The following BIRC7 variants were observed in gnomAD, a reference collection of about 807,000 sequenced individuals.
The protein encoded by BIRC7 is baculoviral IAP repeat containing 7, also known as baculoviral IAP repeat-containing protein 7.
BIRC7 carries 26 observed loss-of-function variants against 33.2 expected under a neutral mutation model. The observed-to-expected ratio is 0.78, with a 90% CI of 0.57 to 1.09. The LOEUF is 1.09. BIRC7 is among the 50% of genes least tolerant of loss of function. The pLI is 0.00. For synonymous variants in BIRC7, 176 were observed against 171.0 expected, an observed-to-expected ratio of 1.03 and a Z score of -0.23; for missense variants, 409 against 401.2, an observed-to-expected ratio of 1.02 and a Z score of -0.17.
rs1211325377 is a variant in BIRC7 at position 63,237,846 on chromosome 20, C to A, written c.350-57C>A. 7 of 1,473,242 alleles carry A rather than the reference C, an allele frequency of 4.8e-6. No individual in the cohort carries two copies. The African/African-American group carries it at 1.0e-4, about 21-fold the overall frequency. The allele number at this position is 1,473,242 out of a possible 1,614,324, so 91.3% of individuals were successfully genotyped here. ...CTCTCATAGCCTTGGAAGGACACAC[C>A]GGGGGCCCGGGGACTGGGTGGGACT... On this transcript the variant is annotated intron_variant, in intron 1 of 6. Transcript: ENST00000217169.
Position 63,235,947 on chromosome 20 carries a change from G to A in BIRC7, c.-150G>A. The A allele has an allele frequency of 2.0e-6, 2 of 986,720 alleles. No individual in the cohort carries two copies. The highest frequency in any genetic ancestry group is 2.9e-6 in the Non-Finnish European group (2 of 699,218). 61.1% of individuals were successfully genotyped at this position (986,720 alleles called of 1,614,324 possible). On this transcript the variant is annotated 5_prime_UTR_variant, in exon 1 of 7. In the 5' UTR this introduces an upstream ATG that the reference lacks. Transcript: ENST00000217169. ...GGCCCTGGGATACTCCCCTCCCAGGGTGTCTGGTGGCAGGCCTGTGCCTAT... is the reference window on the plus strand; with the variant it reads ...GGCCCTGGGATACTCCCCTCCCAGGATGTCTGGTGGCAGGCCTGTGCCTAT...
At chr20:63,236,864 A>G (rs2066692316) in intron 1 of BIRC7, among the ~76,000 whole-genome samples, 1 of 152,258 alleles carries the variant, frequency 6.6e-6, no homozygotes, top group South Asian at 2.1e-4. Context: ...GGCAGTGGTC[A>G]GCCAGAAGGT....
chr20:63,238,363 G>A, intron 2 of BIRC7, 33 bp from the exon 3 acceptor site: 1 of 1,610,224 alleles, frequency 6.2e-7, no homozygotes, highest in Non-Finnish European at 8.5e-7. Context: ...TGGGGGCCCT[G>A]AACCCCAACC....
At chr20:63,238,264 T>C in intron 2 of BIRC7, 132 bp from the exon 3 acceptor site, 1 of 1,148,320 alleles carries the variant, frequency 8.7e-7, no homozygotes, top group Non-Finnish European at 1.3e-6. Context: ...ACAGCAGCCC[T>C]CCTCGCCCAT....
rs372981255 is a variant in BIRC7, at chr20:63,239,631, C to A, written c.*5+21C>A. On this transcript the variant is annotated intron_variant, in intron 6 of 6. Coordinates refer to ENST00000217169, the MANE Select transcript of BIRC7 (RefSeq NM_139317.3). ...GCCAGGTGAGCGCCCCAGCACCACG[C>A]GCAGCCAGCCCTCCTGCGGAGGGGG... The A allele has an allele frequency of 6.4e-6, 10 of 1,574,318 alleles. No homozygotes were observed. In the African/African-American group the frequency reaches 1.2e-4, roughly 19 times the overall value.
At position 63,239,517 on chromosome 20, in the gene BIRC7, T is replaced by C. The variant is rs776630870; in HGVS notation, c.809T>C (p.Leu270Pro). Residue 270 changes from leucine (L) to proline (P), a missense_variant, in exon 6 of 7, where the codon CTG (leucine) becomes CCG (proline). Leu to Pro is a moderately conservative substitution (Grantham distance 98). Coordinates refer to ENST00000217169, the MANE Select transcript of BIRC7 (RefSeq NM_139317.3). ...ATCGTCTTTGTGCCGTGCGGCCACC[T>C]GGTCTGTGCTGAGTGTGCCCCCGGC... is the stretch of plus-strand genomic sequence containing the variant. ...VSIVFVPCGH[L>P]VCAECAPGLQ... 6.2e-7 allele frequency: 1 copy of C among 1,605,732 alleles called. No individual in the cohort carries two copies. Among genetic ancestry groups the C allele is most frequent in the South Asian group, 1.1e-5 (1 of 91,054 alleles).
At chr20:63,236,519 G>T in intron 1 of BIRC7, 74 bp downstream of exon 1, 1 of 1,468,232 alleles carries the variant, frequency 6.8e-7, no homozygotes, top group Non-Finnish European at 9.0e-7. Flanking sequence ...CCAGGGCTCT[G>T]CCTCCTCCGT....
At position 63,236,295 on chromosome 20, in the gene BIRC7, G is replaced by A. The variant is rs375971878; in HGVS notation, c.199G>A (p.Glu67Lys). 1.2e-6 allele frequency: 2 copies of A among 1,611,544 alleles called. No individual in the cohort carries two copies. The highest frequency in any genetic ancestry group is 1.3e-5 in the African/African-American group (1 of 75,050). Reference protein sequence around the residue: ...GQLRPLTEEEEEEGAGATLSR... With the variant: ...GQLRPLTEEEKEEGAGATLSR... ...GCTGCGGCCCCTGACAGAGGAGGAA[G>A]AGGAGGAGGGCGCCGGGGCCACCTT... The change falls in exon 1 of 7, where the codon GAG (glutamate) becomes AAG (lysine). Residue 67 changes from glutamate (E) to lysine (K), a missense_variant. By Grantham distance (56) the Glu-to-Lys change is moderately conservative. Transcript: ENST00000217169.
intron 2 of BIRC7, 46 bp from the exon 3 acceptor site, chr20:63,238,350 C>T: frequency 6.2e-7 from 1 of 1,604,174 alleles, no homozygotes; most frequent in Non-Finnish European, 8.5e-7. Context: ...TTGAAGCAGA[C>T]AGTGGGGGCC....
intron 1 of BIRC7, 133 bp downstream of exon 1, chr20:63,236,578 G>A (rs1037632979): frequency 2.5e-5 from 33 of 1,328,370 alleles, no homozygotes; most frequent in Non-Finnish European, 2.7e-5. Context: ...CGGAGCAGTG[G>A]TCCTGCAAGC....
intron 1 of BIRC7, among the ~76,000 whole-genome samples, chr20:63,237,387 C>T (rs998280195): frequency 2.6e-5 from 4 of 152,172 alleles, no homozygotes; most frequent in Admixed American, 2.6e-4. Context: ...GGTGACGTAT[C>T]GCATGGATGC....
intron 2 of BIRC7, 180 bp from the exon 3 acceptor site, chr20:63,238,216 C>T (rs1357657101): frequency 9.1e-6 from 8 of 879,046 alleles, no homozygotes; most frequent in East Asian, 7.9e-5. Flanking sequence ...AAATGCCTCT[C>T]CCATGGGACT....
intron 6 of BIRC7, among the ~76,000 whole-genome samples, chr20:63,239,917 G>T (rs1016006530): frequency 5.9e-5 from 9 of 152,260 alleles, no homozygotes; most frequent in African/African-American, 2.2e-4. Context: ...AGCCGGCTTT[G>T]GAGGCGTTTG....
In BIRC7 at chr20:63,239,608, C is replaced by A. The variant is rs756960830; in HGVS notation, c.*3C>A. Reference sequence around the variant, plus strand: ...GCGTGCGCACCTTCCTGTCCTAGGCCAGGTGAGCGCCCCAGCACCACGCGC... The same window carrying A: ...GCGTGCGCACCTTCCTGTCCTAGGCAAGGTGAGCGCCCCAGCACCACGCGC... On this transcript the variant is annotated splice_region_variant and 3_prime_UTR_variant, in exon 6 of 7. Coordinates refer to ENST00000217169, the MANE Select transcript of BIRC7 (RefSeq NM_139317.3). The A allele has an allele frequency of 1.3e-6, 2 of 1,592,166 alleles. No homozygotes were observed. The highest frequency in any genetic ancestry group is 4.5e-5 in the East Asian group (2 of 44,582).
chr20:63,236,983 G>A (rs1472554507), intron 1 of BIRC7, among the ~76,000 whole-genome samples: 1 of 152,174 alleles, frequency 6.6e-6, no homozygotes, highest in Non-Finnish European at 1.5e-5. Flanking sequence ...GTCTTGGCCC[G>A]GGCCTGCTCC....
chr20:63,238,124 C>A, intron 2 of BIRC7, 122 bp downstream of exon 2: 1 of 1,031,946 alleles, frequency 9.7e-7, no homozygotes, highest in Non-Finnish European at 1.4e-6. Context: ...ACTGGGGAGG[C>A]CCTTCTGTGG....
chr20:63,238,192 G>A (rs570771753), intron 2 of BIRC7, 190 bp downstream of exon 2: 108 of 844,090 alleles, frequency 1.3e-4, no homozygotes, highest in Non-Finnish European at 1.9e-4. Flanking sequence ...TTTCGGAAGG[G>A]CTGCTGGGGG....
Position 63,239,519 on chromosome 20 carries a change from G to C in BIRC7, c.811G>C (p.Val271Leu). 1 of 1,605,732 alleles carries C rather than the reference G, an allele frequency of 6.2e-7. No individual in the cohort carries two copies. The stretch of plus-strand genomic sequence containing the variant: ...CGTCTTTGTGCCGTGCGGCCACCTG[G>C]TCTGTGCTGAGTGTGCCCCCGGCCT... ...SIVFVPCGHL[V>L]CAECAPGLQL... is the part of the protein sequence containing the mutation. The change falls in exon 6 of 7, where the codon GTC (valine) becomes CTC (leucine). Residue 271 changes from valine to leucine, a missense_variant. Coordinates refer to ENST00000217169, the MANE Select transcript of BIRC7 (RefSeq NM_139317.3).
At position 63,235,965 on chromosome 20, in the gene BIRC7, G is replaced by A. The variant is rs1266715300; in HGVS notation, c.-132G>A. The A allele has an allele frequency of 4.3e-6, 5 of 1,165,186 alleles. No homozygotes were observed. In the African/African-American group the frequency reaches 4.7e-5, roughly 11 times the overall value. 72.2% of individuals were successfully genotyped at this position (1,165,186 alleles called of 1,614,324 possible). ...TCCCAGGGTGTCTGGTGGCAGGCCTGTGCCTATCCCTGCTGTCCCCAGGGT... is the reference window on the plus strand; with the variant it reads ...TCCCAGGGTGTCTGGTGGCAGGCCTATGCCTATCCCTGCTGTCCCCAGGGT... On this transcript the variant is annotated 5_prime_UTR_variant, in exon 1 of 7. The change creates a new upstream start codon in the 5' untranslated region. Transcript: ENST00000217169.
Sources: allele counts gnomAD v4.1 joint callset (sites outside exome capture counted in the v4.1 genomes callset), GRCh38; gene constraint gnomAD v4.1.1; transcripts MANE v1.5; gene names NCBI Gene and HGNC (gene_info 2026-07-23, HGNC 2026-07-21).